Variants in HDAC7 observed in about 807,000 individuals in gnomAD.
HDAC7 encodes histone deacetylase 7, also known as histone deacetylase 7A.
HDAC7 carries 26 observed loss-of-function variants against 115.5 expected under a neutral mutation model. The ratio of observed to expected loss-of-function variants is 0.23; its 90% CI spans 0.16 to 0.31. HDAC7 has a LOEUF of 0.31. Ranked by LOEUF, HDAC7 falls within the 10% of genes least tolerant of loss-of-function variation. The pLI, the probability that HDAC7 is intolerant of heterozygous loss-of-function variation, is 1.00. For missense variants in HDAC7, 1,068 were observed against 1,329.0 expected (o/e 0.80, Z 3.05); for synonymous variants, 564 against 550.9 (o/e 1.02, Z -0.33).
Position 47,791,054 on chromosome 12 carries a change from G to A in HDAC7, c.1983+205C>T, listed in dbSNP as rs542541236. On this transcript the variant is annotated intron_variant, in intron 16 of 25. Transcript: ENST00000080059. Reference sequence around the variant, plus strand: ...TAGGGGAAGGCTTAGGCTGGACTCCGCATTCGGGGGAGACTGTGGGTCCGA... The same window carrying A: ...TAGGGGAAGGCTTAGGCTGGACTCCACATTCGGGGGAGACTGTGGGTCCGA... 313 of 615,224 alleles carry A rather than the reference G, an allele frequency of 5.1e-4. 2 individuals are homozygous for A. The highest frequency in any genetic ancestry group is 4.9e-3 in the South Asian group (257 of 52,038). 38.1% of individuals were successfully genotyped at this position (615,224 alleles called of 1,614,324 possible). A position where few individuals can be genotyped will look rare whatever the true frequency, so the allele number is the denominator to read the frequency against.
chr12:47,811,063 G>A (rs1257922193), intron 1 of HDAC7, among the ~76,000 whole-genome samples: 2 of 152,074 alleles, frequency 1.3e-5, no homozygotes, highest in Admixed American at 6.6e-5. Context: ...CAGGCAAACC[G>A]AACTGAGGCA....
At chr12:47,787,001 G>C (rs1943205973) in intron 21 of HDAC7, among the ~76,000 whole-genome samples, 1 of 152,224 alleles carries the variant, frequency 6.6e-6, no homozygotes, top group African/African-American at 2.4e-5. Flanking sequence ...GTGCATGTGT[G>C]TGTGTGCATG....
chr12:47,783,117 T>C lies in HDAC7; in HGVS notation c.*724A>G, dbSNP rs9859. The stretch of plus-strand genomic sequence containing the variant: ...GGTCCCAGGGGTATGCTGCGCTTCT[T>C]GGGGAGATGAAGGGTTTGGCACCAT... On this transcript the variant is annotated 3_prime_UTR_variant, in exon 26 of 26. Transcript: ENST00000080059. The C allele has an allele frequency of 3.9e-5, 6 of 152,402 alleles. No individual in the cohort carries two copies. Among genetic ancestry groups the C allele is most frequent in the Admixed American group, 1.3e-4 (2 of 15,282 alleles). 9.4% of individuals were successfully genotyped at this position (152,402 alleles called of 1,614,324 possible).
chr12:47,803,617 CTG>C lies in HDAC7; in HGVS notation c.20-1345_20-1344del, dbSNP rs1287989229. ...CTCTTCCTTTTCCACAGCACTCGCT[CTG>C]TGTCTACCACCTTGACACTTCATTC... On this transcript the variant is annotated intron_variant, in intron 1 of 25. Transcript: ENST00000080059. This position sits in a 1 kb window ranked among gnomAD's most constrained non-coding sequence, Gnocchi z 4.0. Among the ~76,000 whole-genome samples, 1 of 152,218 alleles carries C rather than the reference CTG, an allele frequency of 6.6e-6. No homozygotes were observed. The highest frequency in any genetic ancestry group is 1.5e-5 in the Non-Finnish European group (1 of 68,040).
chr12:47,787,652 C>T (rs552994416), intron 21 of HDAC7, 60 bp downstream of exon 21: 2 of 1,226,438 alleles, frequency 1.6e-6, no homozygotes, highest in South Asian at 2.7e-5. Flanking sequence ...CCCCCTGGTG[C>T]TCTTGGGAGA....
chr12:47,805,653 C>T (rs982675627), intron 1 of HDAC7, among the ~76,000 whole-genome samples: 2 of 152,218 alleles, frequency 1.3e-5, no homozygotes, highest in Non-Finnish European at 2.9e-5. Context: ...CCAGGCCTCC[C>T]TGACACAGAG....
intron 13 of HDAC7, chr12:47,792,278 T>G: frequency 2.0e-6 from 1 of 499,656 alleles, no homozygotes. Flanking sequence ...AGCCACGGCC[T>G]TCCCACATGC....
Position 47,783,589 on chromosome 12 carries a change from G to C in HDAC7, c.*252C>G. ...CAGCCAGGGCCCATACTGGAGGGGA[G>C]AATCTGTTCTCGAGAGCCCTGTGGG... On this transcript the variant is annotated 3_prime_UTR_variant, in exon 26 of 26. Transcript: ENST00000080059. 3.7e-6 allele frequency: 2 copies of C among 538,790 alleles called. No individual in the cohort carries two copies. The highest frequency in any genetic ancestry group is 6.7e-6 in the Non-Finnish European group (2 of 298,396). The allele number at this position is 538,790 out of a possible 1,614,324, so 33.4% of individuals were successfully genotyped here. A position where few individuals can be genotyped will look rare whatever the true frequency, so the allele number is the denominator to read the frequency against.
In HDAC7 at chr12:47,795,420, G is replaced by A; in HGVS notation, c.1088-40C>T. ...GGGGTGGAATAAGGAGGGAACCACAGGGAGCAATGGAAGGAAGCGAGGGTA... is the reference window on the plus strand; with the variant it reads ...GGGGTGGAATAAGGAGGGAACCACAAGGAGCAATGGAAGGAAGCGAGGGTA... On this transcript the variant is annotated intron_variant, in intron 10 of 25. Transcript: ENST00000080059. The surrounding 1 kb of genome is among the most constrained non-coding windows in gnomAD (Gnocchi z 4.3). The A allele has an allele frequency of 2.0e-6, 3 of 1,533,350 alleles. No individual in the cohort carries two copies. The highest frequency in any genetic ancestry group is 2.7e-6 in the Non-Finnish European group (3 of 1,129,122). 95.0% of individuals were successfully genotyped at this position (1,533,350 alleles called of 1,614,324 possible).
chr12:47,794,611 G>A, intron 12 of HDAC7, 149 bp downstream of exon 12: 2 of 685,254 alleles, frequency 2.9e-6, no homozygotes, highest in Admixed American at 3.6e-5. Flanking sequence ...ACCTTAGTGT[G>A]GATCCAGCAC....
chr12:47,820,948 C>T (rs1945003075), upstream of HDAC7, among the ~76,000 whole-genome samples: 1 of 152,186 alleles, frequency 6.6e-6, no homozygotes, highest in Admixed American at 6.5e-5. This position sits in a 1 kb window ranked among gnomAD's most constrained non-coding sequence, Gnocchi z 4.3. Flanking sequence ...ATTCAGGGGT[C>T]AGGGGCTAAG....
In HDAC7 at chr12:47,802,208, C is replaced by T. The variant is rs200715036; in HGVS notation, c.70+16G>A. On this transcript the variant is annotated intron_variant, in intron 2 of 25. Transcript: ENST00000080059. Reference sequence around the variant, plus strand: ...TTCCACTCCCTACCATGGACTCCCCCGGGTTTGACTCTTACCTGCGCCAGT... The same window carrying T: ...TTCCACTCCCTACCATGGACTCCCCTGGGTTTGACTCTTACCTGCGCCAGT... 91 of 1,611,570 alleles carry T rather than the reference C, an allele frequency of 5.6e-5. No individual in the cohort carries two copies. Among genetic ancestry groups the T allele is most frequent in the African/African-American group, 3.2e-4 (24 of 74,994 alleles).
chr12:47,796,327 G>A (rs908565494), intron 7 of HDAC7, 29 bp from the exon 8 acceptor site: 2 of 1,553,846 alleles, frequency 1.3e-6, no homozygotes, highest in Non-Finnish European at 1.7e-6. Context: ...GGGAAGTGCA[G>A]TCAGAGGCCA....
rs1267474400 is a variant in HDAC7 at position 47,793,752 on chromosome 12, C to T, written c.1459-164G>A. ...GGCTCTGGCCTTTGACTCTCTAAGCCCCCTGTCCCCTGCAGCCCCCTGACA... is the reference window on the plus strand; with the variant it reads ...GGCTCTGGCCTTTGACTCTCTAAGCTCCCTGTCCCCTGCAGCCCCCTGACA... On this transcript the variant is annotated intron_variant, in intron 12 of 25. Coordinates refer to ENST00000080059, the MANE Select transcript of HDAC7 (RefSeq NM_015401.5). This position sits in a 1 kb window ranked among gnomAD's most constrained non-coding sequence, Gnocchi z 4.5. Among the ~76,000 whole-genome samples the T allele has an allele frequency of 6.6e-6, 1 of 152,146 alleles. No individual in the cohort carries two copies. The highest frequency in any genetic ancestry group is 2.4e-5 in the African/African-American group (1 of 41,426).
Position 47,795,017 on chromosome 12 carries a change from G to A in HDAC7, c.1285-84C>T. ...GGTGGTGGGCTGGGCCAGGCAGCCAGTCATCTTGCTAGGACTCCAGCTGCC... is the reference window on the plus strand; with the variant it reads ...GGTGGTGGGCTGGGCCAGGCAGCCAATCATCTTGCTAGGACTCCAGCTGCC... On this transcript the variant is annotated intron_variant, in intron 11 of 25. Transcript: ENST00000080059. The surrounding 1 kb of genome is among the most constrained non-coding windows in gnomAD (Gnocchi z 4.3). 6.9e-6 allele frequency: 10 copies of A among 1,441,956 alleles called. No individual in the cohort carries two copies. The highest frequency in any genetic ancestry group is 1.3e-5 in the South Asian group (1 of 76,686). The allele number at this position is 1,441,956 out of a possible 1,614,324, so 89.3% of individuals were successfully genotyped here.
At chr12:47,786,730 A>G (rs748113027) in intron 21 of HDAC7, 27 bp from the exon 22 acceptor site, 22 of 1,583,348 alleles carry the variant, frequency 1.4e-5, no homozygotes, top group African/African-American at 1.3e-4. Flanking sequence ...AGTGGCGATC[A>G]TCGTACTGTG....
In HDAC7 at chr12:47,785,370, C is replaced by A; in HGVS notation, c.2791+17G>T. On this transcript the variant is annotated intron_variant, in intron 24 of 25. Transcript: ENST00000080059. ...CCTTCAGTCTGAGCTCAGCGAGTGT[C>A]CCATCTCCACACTTACTGTGCACCC... 6.3e-7 allele frequency: 1 copy of A among 1,591,174 alleles called. No homozygotes were observed.
intron 1 of HDAC7, among the ~76,000 whole-genome samples, chr12:47,804,634 C>T (rs1397323259): frequency 6.6e-6 from 1 of 152,064 alleles, no homozygotes; most frequent in Non-Finnish European, 1.5e-5. Flanking sequence ...CCTGGCTACT[C>T]CCCTTTTCTA....
At chr12:47,784,860 C>T in intron 24 of HDAC7, 1 of 1,267,486 alleles carries the variant, frequency 7.9e-7, no homozygotes, top group Non-Finnish European at 1.1e-6. Context: ...GCTCCCCTAC[C>T]CAGCCCTTGA....
Sources: allele counts gnomAD v4.1 joint callset (sites outside exome capture counted in the v4.1 genomes callset), GRCh38; gene constraint gnomAD v4.1.1; non-coding constraint Gnocchi (gnomAD v3.1); transcripts MANE v1.5; gene names NCBI Gene and HGNC (gene_info 2026-07-23, HGNC 2026-07-21).